The following ANAPC10 variants were observed in gnomAD, a reference collection of about 807,000 sequenced individuals.
ANAPC10 encodes anaphase promoting complex subunit 10, also known as anaphase-promoting complex subunit 10.
ANAPC10 carries 12 observed loss-of-function variants against 22.0 expected under a neutral mutation model. That is an observed-to-expected ratio of 0.55 (90% CI 0.35 to 0.88). The LOEUF is 0.88. Among genes scored for constraint, ANAPC10 ranks in the 40% least tolerant of loss-of-function variants. The probability of loss-of-function intolerance (pLI) is 0.01; values close to 1 mark genes in which losing one functional copy is unlikely to be tolerated. For synonymous variants in ANAPC10, 65 were observed against 69.5 expected (o/e 0.94, Z 0.32); for missense variants, 188 against 220.9 (o/e 0.85, Z 0.94).
chr4:145,072,684 A>C (rs1010131301), intron 3 of ANAPC10, among the ~76,000 whole-genome samples: 9 of 152,190 alleles, frequency 5.9e-5, no homozygotes, highest in African/African-American at 2.2e-4. Context: ...AGTGCTAAAA[A>C]AATCTACCCA....
intron 4 of ANAPC10, among the ~76,000 whole-genome samples, chr4:145,001,711 A>G (rs1732597879): frequency 6.6e-6 from 1 of 152,148 alleles, no homozygotes; most frequent in South Asian, 2.1e-4. Flanking sequence ...CTGCTATGGT[A>G]TGAAACCTAC....
intron 2 of ANAPC10, among the ~76,000 whole-genome samples, chr4:145,092,581 C>G (rs1474781622): frequency 2.0e-5 from 3 of 152,168 alleles, no homozygotes; most frequent in African/African-American, 7.2e-5. Context: ...AGTACAGCAA[C>G]ACTGAGAGCC....
Position 145,042,996 on chromosome 4 carries a change from A to C in ANAPC10, c.327+21576T>G, listed in dbSNP as rs34941083. ...TATAACCATTACACAAATAGCGAAG[A>C]AGCACAAAAGAGGGGAAAAAAGAAA... On this transcript the variant is annotated intron_variant, in intron 4 of 4. Transcript: ENST00000507656. Among the ~76,000 whole-genome samples the C allele has an allele frequency of 9.5e-3, 1,449 of 152,206 alleles. 19 individuals carry two copies. The highest frequency in any genetic ancestry group is 0.033 in the African/African-American group (1,379 of 41,554).
intron 4 of ANAPC10, among the ~76,000 whole-genome samples, chr4:145,019,444 G>C (rs1322036532): frequency 6.6e-6 from 1 of 152,058 alleles, no homozygotes; most frequent in African/African-American, 2.4e-5. Context: ...TACAGCAAAG[G>C]TGGTGCCCAG....
At chr4:145,008,398 G>C (rs2126900810) in intron 4 of ANAPC10, among the ~76,000 whole-genome samples, 1 of 152,154 alleles carries the variant, frequency 6.6e-6, no homozygotes, top group East Asian at 1.9e-4. Flanking sequence ...GAGAATTTTA[G>C]ACCAATATCC....
intron 3 of ANAPC10, among the ~76,000 whole-genome samples, chr4:145,069,458 G>A (rs991770368): frequency 2.0e-5 from 3 of 152,182 alleles, no homozygotes; most frequent in African/African-American, 7.2e-5. Flanking sequence ...AAGCACTGGG[G>A]AAAGAACAAT....
chr4:145,053,681 T>C, intron 4 of ANAPC10: 2 of 582,734 alleles, frequency 3.4e-6, no homozygotes, highest in Non-Finnish European at 6.1e-6. Flanking sequence ...CAGAAAAGTA[T>C]GCATTGTCTT....
At chr4:145,097,344 C>G (rs779075473) in intron 1 of ANAPC10, 13 of 530,004 alleles carry the variant, frequency 2.5e-5, no homozygotes, top group Admixed American at 1.8e-4. Flanking sequence ...TCTTTCACAT[C>G]TTTTGTTAAT....
intron 4 of ANAPC10, among the ~76,000 whole-genome samples, chr4:144,996,126 C>T (rs1731571454): frequency 6.6e-6 from 1 of 152,160 alleles, no homozygotes; most frequent in Non-Finnish European, 1.5e-5. Flanking sequence ...AGGGAACTCA[C>T]TCACAGCCAG....
chr4:145,060,058 C>A (rs952660280), intron 4 of ANAPC10, among the ~76,000 whole-genome samples: 1 of 151,636 alleles, frequency 6.6e-6, no homozygotes, highest in African/African-American at 2.4e-5. Flanking sequence ...AGTGTAGACT[C>A]AGAAATGCTA....
intron 4 of ANAPC10, among the ~76,000 whole-genome samples, chr4:144,998,760 C>G (rs1179043227): frequency 6.6e-6 from 1 of 152,046 alleles, no homozygotes; most frequent in African/African-American, 2.4e-5. Flanking sequence ...CAAAAAATAA[C>G]TAAGATCAGA....
At chr4:145,032,946 A>C (rs892200637) in intron 4 of ANAPC10, 2 of 152,258 alleles carry the variant, frequency 1.3e-5, no homozygotes, top group African/African-American at 4.8e-5. Flanking sequence ...AGAATGCCTT[A>C]TCCATTGTCA....
At chr4:145,002,614 A>G (rs1732746492) in intron 4 of ANAPC10, among the ~76,000 whole-genome samples, 1 of 152,198 alleles carries the variant, frequency 6.6e-6, no homozygotes, top group East Asian at 1.9e-4. Flanking sequence ...ACTCATCTGC[A>G]TGACAATTCT....
intron 4 of ANAPC10, among the ~76,000 whole-genome samples, chr4:145,034,333 T>C (rs974858797): frequency 5.9e-5 from 9 of 151,884 alleles, no homozygotes; most frequent in African/African-American, 2.2e-4. Flanking sequence ...AGAAAAAATA[T>C]GAAAAGGAGA....
At chr4:145,010,950 G>GT (rs1338228425) in intron 4 of ANAPC10, among the ~76,000 whole-genome samples, 1 of 152,092 alleles carries the variant, frequency 6.6e-6, no homozygotes, top group Non-Finnish European at 1.5e-5. Flanking sequence ...AAGGGACCAG[G>GT]TATCCACGGA....
rs754022129 is a variant in ANAPC10, at chr4:144,995,534, G to A, written c.397C>T (p.Arg133Cys). ...ACAGCAATCTGTATCATGAATGTAC[G>A]AGTTGGCTTCTTATGATTGTCAGTT... is the stretch of plus-strand genomic sequence containing the variant. ...PLTDNHKKPT[R>C]TFMIQIAVLA... is the part of the protein sequence containing the mutation. The change falls in exon 5 of 5, where the codon CGT (arginine) becomes TGT (cysteine). Residue 133 changes from arginine (R) to cysteine (C), a missense_variant. Transcript: ENST00000507656. The A allele has an allele frequency of 7.4e-6, 12 of 1,613,762 alleles. No individual in the cohort carries two copies. Among genetic ancestry groups the A allele is most frequent in the Non-Finnish European group, 1.0e-5 (12 of 1,179,872 alleles).
chr4:145,086,454 G>A (rs551064949), intron 2 of ANAPC10, among the ~76,000 whole-genome samples: 12 of 152,084 alleles, frequency 7.9e-5, no homozygotes, highest in Admixed American at 7.2e-4. Flanking sequence ...GTACAGTGTC[G>A]TTCCTGAACC....
At chr4:145,043,341 T>G (rs1364029660) in intron 4 of ANAPC10, among the ~76,000 whole-genome samples, 1 of 152,154 alleles carries the variant, frequency 6.6e-6, no homozygotes, top group South Asian at 2.1e-4. Context: ...CAATAAGTAA[T>G]CAAATTTCAA....
chr4:145,039,778 T>G (rs980383536), intron 4 of ANAPC10, among the ~76,000 whole-genome samples: 1 of 151,958 alleles, frequency 6.6e-6, no homozygotes, highest in Non-Finnish European at 1.5e-5. Context: ...TATTTTTCAG[T>G]AGAGACGTGG....
Sources: gnomAD v4.1 joint callset for allele counts (sites outside exome capture counted in the v4.1 genomes callset) on GRCh38, gnomAD v4.1.1 for gene constraint, MANE v1.5 for transcripts, NCBI Gene and HGNC (gene_info 2026-07-23, HGNC 2026-07-21) for gene names.